RIMBP2: variants seen among roughly 807,000 people sequenced by gnomAD.
The protein encoded by RIMBP2 is RIMS-binding protein 2.
In RIMBP2, 48 loss-of-function variants were observed where a neutral mutation model predicts 118.6. The ratio of observed to expected loss-of-function variants is 0.40; its 90% CI spans 0.32 to 0.51. The LOEUF is 0.51. Ranked by LOEUF, RIMBP2 falls within the 20% of genes least tolerant of loss-of-function variation. The pLI, the probability that RIMBP2 is intolerant of heterozygous loss-of-function variation, is 0.41. For synonymous variants in RIMBP2, 762 were observed against 742.9 expected, an observed-to-expected ratio of 1.03 and a Z score of -0.42; for missense variants, 1,551 against 1,768.3, an observed-to-expected ratio of 0.88 and a Z score of 2.20.
chr12:130,712,935 C>A (rs551263405), intron 1 of RIMBP2, among the ~76,000 whole-genome samples: 1 of 152,038 alleles, frequency 6.6e-6, no homozygotes, highest in South Asian at 2.1e-4. Flanking sequence ...CCTTCTTATG[C>A]AGGGCGTCAT....
intron 2 of RIMBP2, among the ~76,000 whole-genome samples, chr12:130,618,856 G>A (rs958033473): frequency 6.6e-6 from 1 of 152,220 alleles, no homozygotes; most frequent in Non-Finnish European, 1.5e-5. Flanking sequence ...CTGGCTAATA[G>A]TGCAAGCCTC....
chr12:130,653,618 C>T (rs2063313064), intron 1 of RIMBP2, among the ~76,000 whole-genome samples: 2 of 152,222 alleles, frequency 1.3e-5, no homozygotes, highest in South Asian at 4.1e-4. Flanking sequence ...AGCTGCAACC[C>T]CACAGTTCCC....
chr12:130,502,047 T>C (rs1220308823), intron 4 of RIMBP2, among the ~76,000 whole-genome samples: 1 of 152,216 alleles, frequency 6.6e-6, no homozygotes, highest in Non-Finnish European at 1.5e-5. Context: ...TCCATGCCTC[T>C]GCCTCATTCA....
chr12:130,582,534 T>G (rs574080335), intron 2 of RIMBP2, among the ~76,000 whole-genome samples: 17 of 152,342 alleles, frequency 1.1e-4, no homozygotes, highest in Admixed American at 1.0e-3. Flanking sequence ...GCGGCTCTGG[T>G]GAGCACAAGC....
chr12:130,533,578 AAAT>A (rs2053702743), intron 2 of RIMBP2, among the ~76,000 whole-genome samples: 1 of 152,242 alleles, frequency 6.6e-6, no homozygotes, highest in African/African-American at 2.4e-5. Flanking sequence ...AAAGGAAAAC[AAAT>A]CATTGTATCA....
intron 5 of RIMBP2, among the ~76,000 whole-genome samples, chr12:130,471,055 C>G (rs115829796): frequency 1.3e-5 from 2 of 152,162 alleles, no homozygotes; most frequent in Non-Finnish European, 1.5e-5. Context: ...CCCAAACATC[C>G]GACGAACTGC....
intron 2 of RIMBP2, among the ~76,000 whole-genome samples, chr12:130,575,178 A>C (rs1378596489): frequency 1.5e-4 from 3 of 19,646 alleles, no homozygotes; most frequent in Non-Finnish European, 1.7e-4. Context: ...CCCCAACCCC[A>C]CCCCCAGATG....
Position 130,621,682 on chromosome 12 carries a change from C to G in RIMBP2, c.-217+6640G>C, listed in dbSNP as rs549248365. ...ACAAAAGGAGCAAGTAAATGACATC[C>G]CAGGGCCCGAGTTTACCAAGAGACA... On this transcript the variant is annotated intron_variant, in intron 2 of 22. Coordinates refer to ENST00000690449, the MANE Select transcript of RIMBP2 (RefSeq NM_001393629.1). This position sits in a 1 kb window ranked among gnomAD's most constrained non-coding sequence, Gnocchi z 6.6. 2.6e-5 allele frequency among the ~76,000 whole-genome samples: 4 copies of G among 152,336 alleles called. No individual in the cohort carries two copies. Among genetic ancestry groups the G allele is most frequent in the Non-Finnish European group, 5.9e-5 (4 of 68,036 alleles).
chr12:130,466,675 G>T (rs1042700262), intron 6 of RIMBP2, among the ~76,000 whole-genome samples: 5 of 152,136 alleles, frequency 3.3e-5, no homozygotes, highest in African/African-American at 9.7e-5. Context: ...CTCAGAATTT[G>T]CACACACAGA....
In RIMBP2 at chr12:130,479,023, G is replaced by A; in HGVS notation, c.-3-7C>T. 2 of 1,610,886 alleles carry A rather than the reference G, an allele frequency of 1.2e-6. No individual in the cohort carries two copies. The highest frequency in any genetic ancestry group is 1.7e-6 in the Non-Finnish European group (2 of 1,177,984). On this transcript the variant is annotated splice_polypyrimidine_tract_variant and splice_region_variant and intron_variant, in intron 4 of 22. Transcript: ENST00000690449. The stretch of plus-strand genomic sequence containing the variant: ...CAGCCGCCTCTCGCATATGCTGTGG[G>A]GACAGAGAGAGGCCTGGCTGAGCAG...
rs912602875 is a variant in RIMBP2 at position 130,475,388 on chromosome 12, G to A, written c.102+3524C>T. ...CTCAAGGGTGGTCAGGTCTGGGGGT[G>A]AAGCTGATCCCACCAAGGAATCTCT... On this transcript the variant is annotated intron_variant, in intron 5 of 22. Coordinates refer to ENST00000690449, the MANE Select transcript of RIMBP2 (RefSeq NM_001393629.1). The surrounding 1 kb of genome is among the most constrained non-coding windows in gnomAD (Gnocchi z 4.1). 1.3e-5 allele frequency among the ~76,000 whole-genome samples: 2 copies of A among 152,202 alleles called. No homozygotes were observed. The highest frequency in any genetic ancestry group is 3.9e-4 in the East Asian group (2 of 5,182).
At chr12:130,610,264 T>G (rs1325317111) in intron 2 of RIMBP2, among the ~76,000 whole-genome samples, 1 of 152,106 alleles carries the variant, frequency 6.6e-6, no homozygotes, top group African/African-American at 2.4e-5. Context: ...TCCCTCCCGT[T>G]CTGGGGCCTC....
At chr12:130,456,384 CTGTACCCTCTGCCAGG>C in intron 7 of RIMBP2, 96 bp downstream of exon 7, 1 of 879,530 alleles carries the variant, frequency 1.1e-6, no homozygotes, top group Admixed American at 2.9e-5. Context: ...TGGCGGGTCC[CTGTACCCTCTGCCAGG>C]TGTCACCAAA....
chr12:130,692,569 C>G (rs1266884525), intron 1 of RIMBP2, among the ~76,000 whole-genome samples: 1 of 151,864 alleles, frequency 6.6e-6, no homozygotes, highest in African/African-American at 2.4e-5. Context: ...TTTCCTGACT[C>G]CTAGACCACC....
intron 1 of RIMBP2, among the ~76,000 whole-genome samples, chr12:130,691,106 G>A (rs898781133): frequency 2.6e-5 from 4 of 152,302 alleles, no homozygotes; most frequent in Admixed American, 1.3e-4. Context: ...TCAACAGGGC[G>A]GGATGAGATG....
intron 4 of RIMBP2, among the ~76,000 whole-genome samples, chr12:130,481,666 C>T (rs949231991): frequency 6.6e-6 from 1 of 152,212 alleles, no homozygotes; most frequent in Non-Finnish European, 1.5e-5. Flanking sequence ...ACGGGTGTCG[C>T]GGTCAGTGGC....
At position 130,617,404 on chromosome 12, in the gene RIMBP2, G is replaced by C. The variant is rs1373894763; in HGVS notation, c.-217+10918C>G. Among the ~76,000 whole-genome samples, 1 of 152,208 alleles carries C rather than the reference G, an allele frequency of 6.6e-6. No homozygotes were observed. Among genetic ancestry groups the C allele is most frequent in the Non-Finnish European group, 1.5e-5 (1 of 68,034 alleles). On this transcript the variant is annotated intron_variant, in intron 2 of 22. Coordinates refer to ENST00000690449, the MANE Select transcript of RIMBP2 (RefSeq NM_001393629.1). The surrounding 1 kb of genome is among the most constrained non-coding windows in gnomAD (Gnocchi z 4.6). ...AGTGAGTCACCATCTCCCTTCACCA[G>C]ACTCCATTTTTTTCCTAGCACACAT... is the stretch of plus-strand genomic sequence containing the variant.
At chr12:130,640,232 G>A (rs2062557264) in intron 1 of RIMBP2, among the ~76,000 whole-genome samples, 2 of 152,176 alleles carry the variant, frequency 1.3e-5, no homozygotes, top group African/African-American at 4.8e-5. Flanking sequence ...GGGACAATGT[G>A]TACCTGAGCT....
chr12:130,448,902 T>C (rs933609897), intron 9 of RIMBP2, among the ~76,000 whole-genome samples: 2 of 152,248 alleles, frequency 1.3e-5, no homozygotes, highest in Admixed American at 6.5e-5. Context: ...CCGCTGATCC[T>C]CTTAATGGTG....
Sources: gnomAD v4.1 joint callset for allele counts (sites outside exome capture counted in the v4.1 genomes callset) on GRCh38, gnomAD v4.1.1 for gene constraint, Gnocchi (gnomAD v3.1) non-coding constraint, MANE v1.5 for transcripts, NCBI Gene and HGNC (gene_info 2026-07-23, HGNC 2026-07-21) for gene names.